Variants in AGR2 observed in about 807,000 individuals in gnomAD.
AGR2 encodes anterior gradient protein 2 homolog.
A neutral mutation model predicts 25.9 loss-of-function variants in AGR2; 27 were observed. That is an observed-to-expected ratio of 1.04 (90% CI 0.77 to 1.44). The LOEUF (loss-of-function observed/expected upper bound fraction) is 1.44. Ranked by LOEUF, AGR2 falls within the 40% of genes most tolerant of loss-of-function variation. The probability of loss-of-function intolerance (pLI) is 0.00; values close to 1 mark genes in which losing one functional copy is unlikely to be tolerated. For missense variants in AGR2, 182 were observed against 200.9 expected (o/e 0.91, Z 0.57); for synonymous variants, 78 against 72.0 (o/e 1.08, Z -0.42).
At chr7:16,799,577 G>T in intron 5 of AGR2, 167 bp downstream of exon 5, 1 of 551,894 alleles carries the variant, frequency 1.8e-6, no homozygotes, top group Non-Finnish European at 3.2e-6. Flanking sequence ...ACACCAAATG[G>T]ATTATTAATA....
At chr7:16,804,411 G>A (rs1785200199) in intron 1 of AGR2, among the ~76,000 whole-genome samples, 1 of 152,154 alleles carries the variant, frequency 6.6e-6, no homozygotes, top group Non-Finnish European at 1.5e-5. Flanking sequence ...CTTCAGGAAA[G>A]CAACCAGCTC....
chr7:16,803,565 TA>T (rs1785184104), intron 1 of AGR2, among the ~76,000 whole-genome samples: 1 of 152,212 alleles, frequency 6.6e-6, no homozygotes, highest in Admixed American at 6.5e-5. Context: ...GTTTTGTATT[TA>T]ACTGACCAAT....
At chr7:16,793,052 G>C in intron 7 of AGR2, 95 bp from the exon 8 acceptor site, 2 of 1,231,654 alleles carry the variant, frequency 1.6e-6, no homozygotes, top group Non-Finnish European at 2.4e-6. Flanking sequence ...ATTATTTAAT[G>C]GGATGCTTTT....
At chr7:16,794,506 T>G (rs1300713608) in intron 7 of AGR2, among the ~76,000 whole-genome samples, 1 of 152,228 alleles carries the variant, frequency 6.6e-6, no homozygotes, top group Admixed American at 6.5e-5. Flanking sequence ...GGATCATCTT[T>G]GAAACTGATC....
intron 4 of AGR2, among the ~76,000 whole-genome samples, chr7:16,800,786 C>A (rs1785128376): frequency 6.6e-6 from 1 of 152,112 alleles, no homozygotes; most frequent in South Asian, 2.1e-4. Flanking sequence ...AAGTTTAAAC[C>A]AAGTTTGGGA....
At chr7:16,794,008 A>C (rs1785002954) in intron 7 of AGR2, among the ~76,000 whole-genome samples, 1 of 152,208 alleles carries the variant, frequency 6.6e-6, no homozygotes, top group South Asian at 2.1e-4. Context: ...TATCTCAGTA[A>C]TGGCTGACAG....
intron 6 of AGR2, among the ~76,000 whole-genome samples, chr7:16,796,722 C>T (rs750055934): frequency 1.3e-5 from 2 of 152,142 alleles, no homozygotes; most frequent in African/African-American, 4.8e-5. Context: ...ACATAACCAC[C>T]CCCAAACTGC....
At chr7:16,794,643 C>T in intron 7 of AGR2, 1 of 609,822 alleles carries the variant, frequency 1.6e-6, no homozygotes, top group Non-Finnish European at 2.8e-6. Flanking sequence ...GGAGTGTGTG[C>T]TCGTGTACCT....
In AGR2 at chr7:16,797,628, T is replaced by C; in HGVS notation, c.394+3A>G. ...GAGTTATCTCACTGTCACTTCCGCTTACCAACAAACATAATCCTGGGGACA... is the reference window on the plus strand; with the variant it reads ...GAGTTATCTCACTGTCACTTCCGCTCACCAACAAACATAATCCTGGGGACA... On this transcript the variant is annotated splice_donor_region_variant and intron_variant, in intron 6 of 7. Coordinates refer to ENST00000419304, the MANE Select transcript of AGR2 (RefSeq NM_006408.4). The C allele has an allele frequency of 6.2e-7, 1 of 1,613,810 alleles. No homozygotes were observed. The highest frequency in any genetic ancestry group is 2.2e-5 in the East Asian group (1 of 44,882).
At position 16,801,164 on chromosome 7, in the gene AGR2, G is replaced by C. The variant is rs765754455; in HGVS notation, c.243C>G (p.Cys81Trp). ...PLMIIHHLDE[C>W]PHSQALKKVF... is the part of the protein sequence containing the mutation. Reference sequence around the variant, plus strand: ...AGAATAAATTACCTTGACTGTGTGGGCACTCATCCAAGTGATGAATAATCA... The same window carrying C: ...AGAATAAATTACCTTGACTGTGTGGCCACTCATCCAAGTGATGAATAATCA... The change falls in exon 4 of 8, where the codon TGC (cysteine) becomes TGG (tryptophan). Residue 81 changes from cysteine to tryptophan, a missense_variant. Coordinates refer to ENST00000419304, the MANE Select transcript of AGR2 (RefSeq NM_006408.4). 3.1e-6 allele frequency: 5 copies of C among 1,613,488 alleles called. No homozygotes were observed. The Admixed American group carries it at 8.3e-5, about 27-fold the overall frequency.
intron 7 of AGR2, 86 bp downstream of exon 7, chr7:16,794,850 C>G: frequency 6.3e-7 from 1 of 1,597,376 alleles, no homozygotes; most frequent in Non-Finnish European, 8.5e-7. Context: ...CTCTCTCTCA[C>G]CTCACCATGC....
rs1251922368 is a variant in AGR2 at position 16,801,353 on chromosome 7, G to A, written c.170C>T (p.Thr57Ile). Residue 57 changes from threonine (T) to isoleucine (I), a missense_variant, in exon 3 of 8, where the codon ACA becomes ATA. Thr to Ile is a moderately conservative substitution (Grantham distance 89). Coordinates refer to ENST00000419304, the MANE Select transcript of AGR2 (RefSeq NM_006408.4). ...GWGDQLIWTQ[T>I]YEEALYKSKT... ...GGATTTATATAGAGCTTCTTCATAT[G>A]TCTGAGTCCAGATGAGTTGGTCACC... 1 of 1,613,716 alleles carries A rather than the reference G, an allele frequency of 6.2e-7. No homozygotes were observed. The highest frequency in any genetic ancestry group is 2.2e-5 in the East Asian group (1 of 44,854).
At chr7:16,799,644 C>T (rs1467269545) in intron 5 of AGR2, 100 bp downstream of exon 5, 3 of 748,090 alleles carry the variant, frequency 4.0e-6, no homozygotes, top group East Asian at 2.5e-5. Context: ...GAAGCAATCC[C>T]AGTTAATGCA....
At chr7:16,797,582 G>C in intron 6 of AGR2, 49 bp downstream of exon 6, 1 of 1,542,712 alleles carries the variant, frequency 6.5e-7, no homozygotes, top group Non-Finnish European at 8.9e-7. Flanking sequence ...AAGGAGGATG[G>C]CAGCACTAGT....
intron 5 of AGR2, 75 bp from the exon 6 acceptor site, chr7:16,797,769 CTG>C (rs1785074470): frequency 2.4e-6 from 3 of 1,225,282 alleles, no homozygotes; most frequent in Non-Finnish European, 3.5e-6. Flanking sequence ...ATACAAGAAT[CTG>C]TCCATTTCCG....
chr7:16,795,756 G>A (rs1016523615), intron 6 of AGR2, among the ~76,000 whole-genome samples: 3 of 152,186 alleles, frequency 2.0e-5, no homozygotes, highest in East Asian at 1.9e-4. Context: ...AGACGTAATC[G>A]AAAGAACCTA....
In AGR2 at chr7:16,801,764, G is replaced by A. The variant is rs142256080; in HGVS notation, c.33C>T (p.Leu11=). MEKIPVSAFL[L]LVALSYTLAR... ...CCAGAGTGTAGGAGAGGGCCACAAG[G>A]AGCAAGAATGCTGACACTGGAATTT... The change falls in exon 2 of 8, where the codon CTC becomes CTT. Residue 11 remains leucine (L), a synonymous_variant. Transcript: ENST00000419304. 1 of 1,611,540 alleles carries A rather than the reference G, an allele frequency of 6.2e-7. No individual in the cohort carries two copies. The highest frequency in any genetic ancestry group is 1.3e-5 in the African/African-American group (1 of 74,664).
chr7:16,795,116 C>T, intron 6 of AGR2, 97 bp from the exon 7 acceptor site: 1 of 1,305,980 alleles, frequency 7.7e-7, no homozygotes, highest in African/African-American at 1.5e-5. Flanking sequence ...TATTCATGTC[C>T]TGTGAGGGAA....
At chr7:16,802,678 A>G (rs889909189) in intron 1 of AGR2, among the ~76,000 whole-genome samples, 1 of 152,146 alleles carries the variant, frequency 6.6e-6, no homozygotes, top group African/African-American at 2.4e-5. Flanking sequence ...TATAGTATGG[A>G]TAGCTGTCTA....
Sources: gnomAD v4.1 joint callset for allele counts (sites outside exome capture counted in the v4.1 genomes callset) on GRCh38, gnomAD v4.1.1 for gene constraint, MANE v1.5 for transcripts, NCBI Gene and HGNC (gene_info 2026-07-23, HGNC 2026-07-21) for gene names.